CTNNA3: variants seen among roughly 807,000 people sequenced by gnomAD.
CTNNA3 encodes the protein catenin alpha 3, also known as catenin alpha-3.
CTNNA3 carries 76 observed loss-of-function variants against 95.7 expected under a neutral mutation model. The observed-to-expected ratio is 0.79, with a 90% confidence interval of 0.66 to 0.96. CTNNA3 has a LOEUF of 0.96. Ranked by LOEUF, CTNNA3 falls within the 40% of genes least tolerant of loss-of-function variation. The pLI, the probability that CTNNA3 is intolerant of heterozygous loss-of-function variation, is 0.00. For missense variants in CTNNA3, 1,191 were observed against 1,089.8 expected, an observed-to-expected ratio of 1.09 and a Z score of -1.31; for synonymous variants, 431 against 374.4, an observed-to-expected ratio of 1.15 and a Z score of -1.74.
At chr10:66,557,301 C>T (rs1352841809) in intron 10 of CTNNA3, among the ~76,000 whole-genome samples, 3 of 152,044 alleles carry the variant, frequency 2.0e-5, no homozygotes, top group Admixed American at 2.0e-4. Flanking sequence ...ACACCATAAA[C>T]AAGGCCCAAT....
chr10:67,393,938 C>A (rs932674827), intron 5 of CTNNA3, among the ~76,000 whole-genome samples: 1 of 152,032 alleles, frequency 6.6e-6, no homozygotes, highest in Non-Finnish European at 1.5e-5. Context: ...TGATAATCAC[C>A]CAGATCCTTC....
At chr10:66,466,704 A>T (rs1838931349) in intron 11 of CTNNA3, among the ~76,000 whole-genome samples, 1 of 152,044 alleles carries the variant, frequency 6.6e-6, no homozygotes, top group African/African-American at 2.4e-5. Flanking sequence ...CACAAGTGGG[A>T]TTTATGAGCT....
intron 7 of CTNNA3, among the ~76,000 whole-genome samples, chr10:67,157,932 G>A (rs892314792): frequency 2.0e-5 from 3 of 152,132 alleles, no homozygotes; most frequent in South Asian, 4.1e-4. Flanking sequence ...GGCAAAAACT[G>A]TATAACAGTA....
intron 1 of CTNNA3, among the ~76,000 whole-genome samples, chr10:67,685,561 A>C (rs1470263222): frequency 6.6e-6 from 1 of 152,152 alleles, no homozygotes; most frequent in African/African-American, 2.4e-5. Flanking sequence ...TTGCTGTGTT[A>C]AGGATTTTAG....
intron 5 of CTNNA3, among the ~76,000 whole-genome samples, chr10:67,346,096 G>C (rs1005323222): frequency 6.6e-5 from 10 of 152,028 alleles, no homozygotes; most frequent in South Asian, 2.1e-4. Context: ...TAGAAAGAAA[G>C]AAACAAACAA....
chr10:67,266,269 G>T (rs1026043803), intron 5 of CTNNA3, among the ~76,000 whole-genome samples: 10 of 151,702 alleles, frequency 6.6e-5, no homozygotes, highest in African/African-American at 2.4e-4. Flanking sequence ...TCTTATGCAT[G>T]CAGTGAACTG....
At position 66,638,438 on chromosome 10, in the gene CTNNA3, C is replaced by A. The variant is rs562166513; in HGVS notation, c.1282-16654G>T. 2.8e-3 allele frequency among the ~76,000 whole-genome samples: 425 copies of A among 152,258 alleles called. 1 individual carries two copies. The highest frequency in any genetic ancestry group is 0.01 in the African/African-American group (416 of 41,536). On this transcript the variant is annotated intron_variant, in intron 9 of 17. Transcript: ENST00000433211. ...TAATATCCTCCCGCCGCCGCCCACCCCTCCGCCGCCCCAACTCTAGAAGTG... is the reference window on the plus strand; with the variant it reads ...TAATATCCTCCCGCCGCCGCCCACCACTCCGCCGCCCCAACTCTAGAAGTG...
At chr10:67,418,296 T>G (rs928505258) in intron 5 of CTNNA3, among the ~76,000 whole-genome samples, 4 of 152,170 alleles carry the variant, frequency 2.6e-5, no homozygotes, top group South Asian at 4.1e-4. Flanking sequence ...AGAAATAGTA[T>G]GAAGTTTTCT....
chr10:67,233,672 T>A (rs1404138428), intron 5 of CTNNA3, among the ~76,000 whole-genome samples: 2 of 148,446 alleles, frequency 1.3e-5, no homozygotes, highest in Non-Finnish European at 1.5e-5. Flanking sequence ...AGAGCAGAAC[T>A]GAAGGAAATA....
At chr10:67,493,036 A>C (rs1385938445) in intron 5 of CTNNA3, among the ~76,000 whole-genome samples, 2 of 152,228 alleles carry the variant, frequency 1.3e-5, no homozygotes, top group African/African-American at 4.8e-5. Flanking sequence ...AATGTTAATA[A>C]TAGATTGCCC....
intron 9 of CTNNA3, among the ~76,000 whole-genome samples, chr10:66,755,345 T>C (rs1395763862): frequency 6.6e-6 from 1 of 152,060 alleles, no homozygotes; most frequent in Non-Finnish European, 1.5e-5. Context: ...TTCAGGGAGA[T>C]AGAAAAAATG....
At position 66,274,938 on chromosome 10, in the gene CTNNA3, G is replaced by T. The variant is rs374378329; in HGVS notation, c.1884+5532C>A. Among the ~76,000 whole-genome samples the T allele has an allele frequency of 3.0e-4, 45 of 152,042 alleles. No homozygotes were observed. In the South Asian group the frequency reaches 8.9e-3, roughly 30 times the overall value. On this transcript the variant is annotated intron_variant, in intron 13 of 17. Transcript: ENST00000433211. ...GTTGTATTATAATTTTCAGAGTATA[G>T]ATATTATATTTGTTTTGTTAAAATT...
intron 5 of CTNNA3, among the ~76,000 whole-genome samples, chr10:67,481,258 G>C (rs1027142593): frequency 2.0e-5 from 3 of 152,120 alleles, no homozygotes; most frequent in Admixed American, 1.3e-4. Flanking sequence ...CTTCAGCATA[G>C]TACTGGAAGT....
intron 5 of CTNNA3, among the ~76,000 whole-genome samples, chr10:67,444,502 C>A (rs1846661930): frequency 6.6e-6 from 1 of 151,764 alleles, no homozygotes; most frequent in African/African-American, 2.4e-5. Flanking sequence ...AAAGCCAGAG[C>A]AAACCAAACC....
intron 7 of CTNNA3, among the ~76,000 whole-genome samples, chr10:66,824,046 C>T (rs367875885): frequency 3.4e-5 from 5 of 147,486 alleles, no homozygotes; most frequent in African/African-American, 9.9e-5. Flanking sequence ...ATGCCATACT[C>T]TTTTTTTTTT....
At chr10:66,161,905 A>G (rs976910813) in intron 13 of CTNNA3, among the ~76,000 whole-genome samples, 2 of 151,210 alleles carry the variant, frequency 1.3e-5, no homozygotes, top group Non-Finnish European at 3.0e-5. Flanking sequence ...TTTTTATTCT[A>G]TTTTCTTTGT....
At chr10:67,041,330 C>A (rs1049005707) in intron 7 of CTNNA3, among the ~76,000 whole-genome samples, 10 of 152,040 alleles carry the variant, frequency 6.6e-5, no homozygotes, top group African/African-American at 1.4e-4. Flanking sequence ...GCCCAAGGGG[C>A]CTTCGTGATA....
intron 12 of CTNNA3, among the ~76,000 whole-genome samples, chr10:66,304,067 C>T (rs1159929076): frequency 2.0e-5 from 3 of 151,754 alleles, no homozygotes; most frequent in African/African-American, 4.8e-5. Context: ...ATAAAAACAA[C>T]CCCAAAGAAA....
chr10:67,380,628 T>C (rs1843906064), intron 5 of CTNNA3, among the ~76,000 whole-genome samples: 1 of 152,230 alleles, frequency 6.6e-6, no homozygotes, highest in Admixed American at 6.5e-5. Context: ...GAATGGTACA[T>C]ATTCTATATG....
Sources: allele counts gnomAD v4.1 joint callset (sites outside exome capture counted in the v4.1 genomes callset), GRCh38; gene constraint gnomAD v4.1.1; transcripts MANE v1.5; gene names NCBI Gene and HGNC (gene_info 2026-07-23, HGNC 2026-07-21).